Variants in FAM184B observed in about 807,000 individuals in gnomAD.
FAM184B encodes the protein family with sequence similarity 184 member B.
A neutral mutation model predicts 135.9 loss-of-function variants in FAM184B; 111 were observed. The observed-to-expected ratio is 0.82, with a 90% CI of 0.70 to 0.96. FAM184B has a LOEUF of 0.96. Among genes scored for constraint, FAM184B ranks in the 40% least tolerant of loss-of-function variants. The pLI is 0.00. For synonymous variants in FAM184B, 552 were observed against 524.8 expected (o/e 1.05, Z -0.71); for missense variants, 1,375 against 1,323.9 (o/e 1.04, Z -0.60).
chr4:17,639,247 T>C lies in FAM184B; in HGVS notation c.2666+3A>G, dbSNP rs146323716. 3.2e-5 allele frequency: 50 copies of C among 1,551,584 alleles called. No homozygotes were observed. The highest frequency in any genetic ancestry group is 4.1e-5 in the Non-Finnish European group (47 of 1,146,956). On this transcript the variant is annotated splice_donor_region_variant and intron_variant, in intron 14 of 17. Coordinates refer to ENST00000265018, the MANE Select transcript of FAM184B (RefSeq NM_015688.2). ...CCTCCCTGGGGCCCGAGGCCTCACT[T>C]ACTCGGCTTCCAGGGCAGCCAGCCG...
At chr4:17,770,981 C>A (rs1718807811) in intron 1 of FAM184B, among the ~76,000 whole-genome samples, 1 of 152,224 alleles carries the variant, frequency 6.6e-6, no homozygotes, top group South Asian at 2.1e-4. Context: ...GTGAGTCACA[C>A]TCCTCTTTGT....
chr4:17,653,930 G>GAGAGAGA (rs1402544369), intron 10 of FAM184B, among the ~76,000 whole-genome samples: 18 of 135,870 alleles, frequency 1.3e-4, no homozygotes, highest in Non-Finnish European at 1.8e-4. Context: ...GGGAGGGGGA[G>GAGAGAGA]GGGGATTTGA....
At chr4:17,721,973 T>C (rs1294311656) in intron 1 of FAM184B, among the ~76,000 whole-genome samples, 1 of 152,176 alleles carries the variant, frequency 6.6e-6, no homozygotes, top group Non-Finnish European at 1.5e-5. Context: ...CTGGAATCGT[T>C]GCAGAGAGCA....
At chr4:17,647,540 C>T in intron 12 of FAM184B, 97 bp downstream of exon 12, 1 of 1,397,894 alleles carries the variant, frequency 7.2e-7, no homozygotes, top group Non-Finnish European at 9.6e-7. Flanking sequence ...TGAGCCACTG[C>T]ACTCAGCCTC....
At chr4:17,755,614 T>C (rs1182033760) in intron 1 of FAM184B, among the ~76,000 whole-genome samples, 1 of 152,232 alleles carries the variant, frequency 6.6e-6, no homozygotes, top group Non-Finnish European at 1.5e-5. Flanking sequence ...CATGCATATG[T>C]TCATTGCAGC....
At chr4:17,702,974 C>T (rs988681638) in intron 5 of FAM184B, among the ~76,000 whole-genome samples, 4 of 152,208 alleles carry the variant, frequency 2.6e-5, no homozygotes, top group African/African-American at 4.8e-5. Context: ...GGGGAAGCCA[C>T]GGGCTCTGGA....
chr4:17,630,108 T>G lies in FAM184B; in HGVS notation c.*2424A>C, dbSNP rs1051547477. Reference sequence around the variant, plus strand: ...TATGTACGATCTCAACTAGTAAAATTTTCTCCTTGCCCAGGGATCATGCTG... The same window carrying G: ...TATGTACGATCTCAACTAGTAAAATGTTCTCCTTGCCCAGGGATCATGCTG... On this transcript the variant is annotated 3_prime_UTR_variant, in exon 18 of 18. Transcript: ENST00000265018. 1 of 152,142 alleles carries G rather than the reference T, an allele frequency of 6.6e-6. No homozygotes were observed. The highest frequency in any genetic ancestry group is 6.5e-5 in the Admixed American group (1 of 15,268). 9.4% of individuals were successfully genotyped at this position (152,142 alleles called of 1,614,324 possible). A position where few individuals can be genotyped will look rare whatever the true frequency, so the allele number is the denominator to read the frequency against.
chr4:17,726,983 C>A (rs544134030), intron 1 of FAM184B, among the ~76,000 whole-genome samples: 2 of 152,232 alleles, frequency 1.3e-5, no homozygotes, highest in East Asian at 3.9e-4. Context: ...GGTTGACCTG[C>A]CTCAATCACA....
At chr4:17,705,951 G>C in intron 3 of FAM184B, 60 bp from the exon 4 acceptor site, 1 of 1,543,064 alleles carries the variant, frequency 6.5e-7, no homozygotes, top group Non-Finnish European at 8.8e-7. Context: ...CTTGTTCAAG[G>C]CTTTCTGCTG....
chr4:17,651,281 T>A (rs1715608361), intron 11 of FAM184B, among the ~76,000 whole-genome samples: 1 of 152,110 alleles, frequency 6.6e-6, no homozygotes, highest in Non-Finnish European at 1.5e-5. Context: ...CTCACGCCTG[T>A]AATCCCAGCA....
At chr4:17,719,151 A>G (rs1322618329) in intron 1 of FAM184B, among the ~76,000 whole-genome samples, 1 of 152,240 alleles carries the variant, frequency 6.6e-6, no homozygotes, top group Non-Finnish European at 1.5e-5. Flanking sequence ...CACTTATAAC[A>G]ATGTACTAGC....
rs538403148 is a variant in FAM184B, at chr4:17,693,468, G to A, written c.1378-56C>T. 21 of 1,325,726 alleles carry A rather than the reference G, an allele frequency of 1.6e-5. 1 individual carries two copies. The highest frequency in any genetic ancestry group is 2.5e-5 in the East Asian group (1 of 39,878). The allele number at this position is 1,325,726 out of a possible 1,614,324, so 82.1% of individuals were successfully genotyped here. On this transcript the variant is annotated intron_variant, in intron 5 of 17. Coordinates refer to ENST00000265018, the MANE Select transcript of FAM184B (RefSeq NM_015688.2). ...AAGGCACGAAAACAGGACACTTAAT[G>A]TTTTCACACCCTGCCTTATTCCCAG... is the stretch of plus-strand genomic sequence containing the variant.
At chr4:17,768,992 G>A (rs776153632) in intron 1 of FAM184B, among the ~76,000 whole-genome samples, 9 of 151,986 alleles carry the variant, frequency 5.9e-5, no homozygotes, top group South Asian at 2.1e-4. Context: ...TAGTAGAGAC[G>A]GGGTTTCTCC....
At chr4:17,746,591 C>CCCCA in intron 1 of FAM184B, among the ~76,000 whole-genome samples, 1 of 151,026 alleles carries the variant, frequency 6.6e-6, no homozygotes, top group Non-Finnish European at 1.5e-5. Flanking sequence ...AATTAGCCAG[C>CCCCA]CGTGGTGGCG....
rs1714872134 is a variant in FAM184B, at chr4:17,629,811, T to C, written c.*2721A>G. On this transcript the variant is annotated 3_prime_UTR_variant, in exon 18 of 18. Transcript: ENST00000265018. ...CTATCAAATTGTATTTCTTTGTCAA[T>C]AGTGTTAGGGCACAGTAGGTTCATT... The C allele has an allele frequency of 6.6e-6, 1 of 152,220 alleles. No individual in the cohort carries two copies. The highest frequency in any genetic ancestry group is 2.4e-5 in the African/African-American group (1 of 41,462). The allele number at this position is 152,220 out of a possible 1,614,324, so 9.4% of individuals were successfully genotyped here. A position where few individuals can be genotyped will look rare whatever the true frequency, so the allele number is the denominator to read the frequency against.
chr4:17,652,960 C>T lies in FAM184B; in HGVS notation c.2061G>A (p.Lys687=). The change falls in exon 11 of 18, where the codon AAG becomes AAA. Residue 687 remains lysine (K), a synonymous_variant. Coordinates refer to ENST00000265018, the MANE Select transcript of FAM184B (RefSeq NM_015688.2). ...ELKATEERLK[K]ESSHSLQIQH... ...GGATCTGGAGGCTGTGGCTGGATTC[C>T]TTCTTCAAGCGTTCCTCTGTGGCCT... 6.4e-7 allele frequency: 1 copy of T among 1,551,716 alleles called. No individual in the cohort carries two copies. The highest frequency in any genetic ancestry group is 8.7e-7 in the Non-Finnish European group (1 of 1,146,992).
chr4:17,642,331 C>G, intron 12 of FAM184B, 103 bp from the exon 13 acceptor site: 1 of 1,376,754 alleles, frequency 7.3e-7, no homozygotes, highest in Non-Finnish European at 9.3e-7. Context: ...CACTGGCACC[C>G]CGCCCAGGCT....
chr4:17,718,501 C>T (rs1478753304), intron 1 of FAM184B, among the ~76,000 whole-genome samples: 1 of 152,254 alleles, frequency 6.6e-6, no homozygotes, highest in East Asian at 1.9e-4. Context: ...ATTATTTGTC[C>T]GTATAATAAT....
chr4:17,640,481 CAA>C (rs200666429), intron 13 of FAM184B, among the ~76,000 whole-genome samples: 9 of 127,416 alleles, frequency 7.1e-5, no homozygotes, highest in Admixed American at 3.2e-4. Flanking sequence ...AAGACTGTCT[CAA>C]AAAAAAAAAA....
Sources: gnomAD v4.1 joint callset for allele counts (sites outside exome capture counted in the v4.1 genomes callset) on GRCh38, gnomAD v4.1.1 for gene constraint, MANE v1.5 for transcripts, NCBI Gene and HGNC (gene_info 2026-07-23, HGNC 2026-07-21) for gene names.